Variants in SIMC1 observed in about 807,000 individuals in gnomAD.
SIMC1 encodes the protein SUMO-interacting motif-containing protein 1.
In SIMC1, 55 loss-of-function variants were observed where a neutral mutation model predicts 82.3. The ratio of observed to expected loss-of-function variants is 0.67; its 90% CI spans 0.54 to 0.84. The LOEUF (loss-of-function observed/expected upper bound fraction) is 0.84. Among genes scored for constraint, SIMC1 ranks in the 40% least tolerant of loss-of-function variants. SIMC1 has a pLI of 0.00. For missense variants in SIMC1, 915 were observed against 1,107.2 expected (o/e 0.83, Z 2.46); for synonymous variants, 353 against 426.3 (o/e 0.83, Z 2.12).
intron 9 of SIMC1, among the ~76,000 whole-genome samples, chr5:176,338,417 T>G (rs1765995218): frequency 6.6e-6 from 1 of 151,956 alleles, no homozygotes; most frequent in Non-Finnish European, 1.5e-5. Flanking sequence ...ACACACTAAG[T>G]TGCTTAGTGT....
intron 1 of SIMC1, among the ~76,000 whole-genome samples, chr5:176,252,214 A>AC (rs1225961789): frequency 0.083 from 5,979 of 71,700 alleles, 130 homozygotes; most frequent in Middle Eastern, 0.21. Context: ...CGGGGGGCTG[A>AC]CCGCCCCCCC....
intron 2 of SIMC1, among the ~76,000 whole-genome samples, chr5:176,294,553 A>C (rs1333351693): frequency 2.0e-5 from 3 of 148,614 alleles, no homozygotes; most frequent in Non-Finnish European, 4.5e-5. Flanking sequence ...TGCTGGGATT[A>C]CAGGCATGAG....
intron 9 of SIMC1, among the ~76,000 whole-genome samples, chr5:176,343,310 G>A (rs961128354): frequency 3.9e-5 from 6 of 152,120 alleles, no homozygotes; most frequent in African/African-American, 1.4e-4. Flanking sequence ...ATCCCCGTTT[G>A]ATAAATGAGG....
Position 176,345,377 on chromosome 5 carries a change from CT to C in SIMC1, c.2609del (p.Leu870ArgfsTer8). The C allele has an allele frequency of 6.2e-7, 1 of 1,613,994 alleles. No individual in the cohort carries two copies. Among genetic ancestry groups the C allele is most frequent in the Non-Finnish European group, 8.5e-7 (1 of 1,179,896 alleles). On this transcript the variant is annotated frameshift_variant, in exon 10 of 10. Transcript: ENST00000429602. LOFTEE classifies it high-confidence loss of function. ...AGACAAAGTGCACTTGTTGAAGCTCCTGCTCTTCTATGCTGCGGACTTGAAC... is the reference window on the plus strand; with the variant it reads ...AGACAAAGTGCACTTGTTGAAGCTCCGCTCTTCTATGCTGCGGACTTGAAC... ...LQDKVHLLKL[L>X]LFYAADLNPD... is the part of the protein sequence containing the mutation.
At chr5:176,327,917 A>G (rs1765463976) in intron 7 of SIMC1, among the ~76,000 whole-genome samples, 1 of 152,208 alleles carries the variant, frequency 6.6e-6, no homozygotes. Flanking sequence ...CCAACTTTGC[A>G]TTCCTGGAAT....
chr5:176,257,760 AT>A (rs1456980055), intron 1 of SIMC1, among the ~76,000 whole-genome samples: 3 of 152,140 alleles, frequency 2.0e-5, no homozygotes, highest in African/African-American at 7.2e-5. Flanking sequence ...CCCCAAATGA[AT>A]TTTAGAATAA....
In SIMC1 at chr5:176,241,556, T is replaced by C. The variant is rs190852834; in HGVS notation, c.129+2919T>C. Among the ~76,000 whole-genome samples the C allele has an allele frequency of 3.6e-3, 552 of 151,886 alleles. 7 individuals carry two copies. The highest frequency in any genetic ancestry group is 5.4e-3 in the Non-Finnish European group (364 of 68,012). On this transcript the variant is annotated intron_variant, in intron 1 of 9. Transcript: ENST00000429602. ...TGCTGAGTCAAAAGGTGTGCCCTACTTTATATGTAGCTAACCCTTGAAGAA... is the reference window on the plus strand; with the variant it reads ...TGCTGAGTCAAAAGGTGTGCCCTACCTTATATGTAGCTAACCCTTGAAGAA...
At chr5:176,320,473 A>G (rs560781557) in intron 5 of SIMC1, among the ~76,000 whole-genome samples, 1 of 152,068 alleles carries the variant, frequency 6.6e-6, no homozygotes, top group Admixed American at 6.6e-5. Flanking sequence ...GGGTCAGGTG[A>G]TCCTCCCACC....
intron 1 of SIMC1, among the ~76,000 whole-genome samples, chr5:176,268,005 C>G (rs1207427835): frequency 1.3e-5 from 2 of 151,808 alleles, no homozygotes; most frequent in African/African-American, 2.4e-5. Flanking sequence ...CCGCCTTGGC[C>G]TCCCAAAGTG....
intron 1 of SIMC1, among the ~76,000 whole-genome samples, chr5:176,252,910 G>A (rs1171885807): frequency 1.3e-5 from 2 of 152,242 alleles, no homozygotes; most frequent in African/African-American, 4.8e-5. Context: ...GGCTGAGGCT[G>A]GCAGATCACT....
chr5:176,338,836 G>T lies in SIMC1; in HGVS notation c.2413+1690G>T, dbSNP rs1428509889. Among the ~76,000 whole-genome samples the T allele has an allele frequency of 3.9e-5, 6 of 152,106 alleles. No homozygotes were observed. The East Asian group carries it at 1.2e-3, about 29-fold the overall frequency. On this transcript the variant is annotated intron_variant, in intron 9 of 9. Transcript: ENST00000429602. ...GTACTGGATTTAAGACAGAAAGTCT[G>T]AGTTTAAATCCGAACTTCACCATTT...
At chr5:176,287,631 AT>A (rs555067901) in intron 1 of SIMC1, among the ~76,000 whole-genome samples, 113 of 140,070 alleles carry the variant, frequency 8.1e-4, no homozygotes, top group African/African-American at 2.9e-3. Flanking sequence ...AAATATAATA[AT>A]TTTTTAAAAA....
Position 176,336,766 on chromosome 5 carries a change from G to A in SIMC1, c.2218G>A (p.Val740Met), listed in dbSNP as rs753899816. 16 of 1,614,026 alleles carry A rather than the reference G, an allele frequency of 9.9e-6. No individual in the cohort carries two copies. In the South Asian group the frequency reaches 1.6e-4, roughly 17 times the overall value. The change falls in exon 8 of 10, where the codon GTG (valine) becomes ATG (methionine). Residue 740 changes from valine to methionine, a missense_variant. Around this residue, in one of 2 missense-constraint regions of SIMC1, gnomAD observed 902 missense variants for 1,040.3 expected, o/e 0.87. Coordinates refer to ENST00000429602, the MANE Select transcript of SIMC1 (RefSeq NM_001308195.2). ...GGAAAGCCACCTTCTGCGCTGCAAA[G>A]TGTTAGAAATCATATTCCTCCACAG... is the stretch of plus-strand genomic sequence containing the variant. Reference protein sequence around the residue: ...TMESHLLRCKVLEIIFLHSCE... With the variant: ...TMESHLLRCKMLEIIFLHSCE...
intron 7 of SIMC1, among the ~76,000 whole-genome samples, chr5:176,329,929 ATAGATG>A (rs1407435796): frequency 1.8e-4 from 28 of 152,208 alleles, no homozygotes; most frequent in Non-Finnish European, 3.2e-4. Flanking sequence ...AGAGATAGGA[ATAGATG>A]TAGATGTGTG....
intron 1 of SIMC1, among the ~76,000 whole-genome samples, chr5:176,270,844 A>G (rs1254180713): frequency 1.3e-5 from 2 of 152,116 alleles, no homozygotes; most frequent in African/African-American, 4.8e-5. Flanking sequence ...AGCTAGCCCC[A>G]CCACCATGGG....
intron 1 of SIMC1, among the ~76,000 whole-genome samples, chr5:176,271,935 A>G (rs986061248): frequency 2.8e-5 from 4 of 144,716 alleles, no homozygotes; most frequent in Non-Finnish European, 6.0e-5. Flanking sequence ...ATTATAATAT[A>G]TACTATTATA....
intron 1 of SIMC1, among the ~76,000 whole-genome samples, chr5:176,262,279 TAA>T (rs58312244): frequency 0.012 from 1,612 of 133,864 alleles, 28 homozygotes; most frequent in African/African-American, 0.042. Context: ...ATTCATGATT[TAA>T]AAAAAAAAAA....
chr5:176,254,894 T>C (rs1434843398), intron 1 of SIMC1, among the ~76,000 whole-genome samples: 1 of 152,254 alleles, frequency 6.6e-6, no homozygotes, highest in African/African-American at 2.4e-5. Flanking sequence ...TTTCCACCTT[T>C]GTTCACAAAG....
intron 7 of SIMC1, among the ~76,000 whole-genome samples, chr5:176,325,455 G>A (rs1353407759): frequency 6.6e-6 from 1 of 151,960 alleles, no homozygotes; most frequent in African/African-American, 2.4e-5. Context: ...GGAGACCAAG[G>A]CGGGCGGATC....
Sources: gnomAD v4.1 joint callset for allele counts (sites outside exome capture counted in the v4.1 genomes callset) on GRCh38, gnomAD v4.1.1 for gene constraint, gnomAD v4.1.1 regional missense constraint, MANE v1.5 for transcripts, NCBI Gene and HGNC (gene_info 2026-07-23, HGNC 2026-07-21) for gene names.